CDH13: variants seen among roughly 807,000 people sequenced by gnomAD.
The protein encoded by CDH13 is cadherin 13.
In CDH13, 24 loss-of-function variants were observed where a neutral mutation model predicts 63.8. The ratio of observed to expected loss-of-function variants is 0.38; its 90% confidence interval spans 0.27 to 0.53. CDH13 has a LOEUF of 0.53. Among genes scored for constraint, CDH13 ranks in the 20% least tolerant of loss-of-function variants. The pLI is 0.85. For missense variants in CDH13, 1,049 were observed against 903.1 expected, an observed-to-expected ratio of 1.16 and a Z score of -2.07; for synonymous variants, 503 against 355.3, an observed-to-expected ratio of 1.42 and a Z score of -4.67.
intron 8 of CDH13, among the ~76,000 whole-genome samples, chr16:83,646,331 G>A (rs939715760): frequency 2.6e-5 from 4 of 152,168 alleles, no homozygotes; most frequent in Non-Finnish European, 5.9e-5. Flanking sequence ...GTATGTAATC[G>A]TTAGCTGTGA....
intron 1 of CDH13, among the ~76,000 whole-genome samples, chr16:82,714,672 C>G (rs1187889513): frequency 1.6e-5 from 2 of 127,282 alleles, no homozygotes; most frequent in Non-Finnish European, 3.1e-5. Context: ...CGAGATCAAT[C>G]CACTGCACTC....
intron 3 of CDH13, among the ~76,000 whole-genome samples, chr16:83,090,929 C>G (rs781671782): frequency 6.6e-6 from 1 of 151,030 alleles, no homozygotes. Flanking sequence ...CAGCAAAATA[C>G]TGTGTGGATA....
intron 1 of CDH13, among the ~76,000 whole-genome samples, chr16:82,673,939 G>C (rs947477141): frequency 3.3e-5 from 5 of 152,212 alleles, no homozygotes; most frequent in South Asian, 2.1e-4. Flanking sequence ...TAGTATGTGA[G>C]TTGGTTTAGT....
chr16:83,742,651 G>A (rs1018706492), intron 10 of CDH13, among the ~76,000 whole-genome samples: 6 of 152,182 alleles, frequency 3.9e-5, no homozygotes, highest in Non-Finnish European at 8.8e-5. Context: ...GGACAAAAGC[G>A]CACGGAAGCC....
chr16:82,814,304 C>T (rs79129164), intron 1 of CDH13, among the ~76,000 whole-genome samples: 4,967 of 152,120 alleles, frequency 0.033, 264 homozygotes, highest in African/African-American at 0.11. Context: ...AATGAGTTGA[C>T]TTGTGCTGGG....
intron 6 of CDH13, among the ~76,000 whole-genome samples, chr16:83,375,393 C>T (rs1198909099): frequency 6.6e-6 from 1 of 152,154 alleles, no homozygotes; most frequent in Non-Finnish European, 1.5e-5. Context: ...AGTGACACAG[C>T]TATCAGTGGC....
intron 6 of CDH13, among the ~76,000 whole-genome samples, chr16:83,483,519 C>T (rs1275048175): frequency 6.6e-6 from 1 of 151,446 alleles, no homozygotes; most frequent in Non-Finnish European, 1.5e-5. Flanking sequence ...CAGTTGCAAG[C>T]CATGATGACT....
intron 5 of CDH13, among the ~76,000 whole-genome samples, chr16:83,233,619 A>G (rs957384215): frequency 1.3e-5 from 2 of 152,144 alleles, no homozygotes; most frequent in Non-Finnish European, 2.9e-5. Flanking sequence ...TCTTCAGCTC[A>G]TGACTGCTTC....
chr16:83,584,400 A>C (rs1167346745), intron 7 of CDH13, among the ~76,000 whole-genome samples: 3 of 152,204 alleles, frequency 2.0e-5, no homozygotes, highest in African/African-American at 7.2e-5. Context: ...ACAGAGAACT[A>C]TCTATGGTTT....
At chr16:83,121,967 C>CAG (rs1413657397) in intron 3 of CDH13, among the ~76,000 whole-genome samples, 2 of 139,826 alleles carry the variant, frequency 1.4e-5, no homozygotes, top group African/African-American at 2.6e-5. Flanking sequence ...AACTGTCACA[C>CAG]ACACACACAC....
chr16:82,839,637 A>G (rs577146272), intron 1 of CDH13, among the ~76,000 whole-genome samples: 3 of 152,116 alleles, frequency 2.0e-5, no homozygotes, highest in Non-Finnish European at 4.4e-5. Context: ...GTGACTAAAT[A>G]CAGTGGCCAG....
At chr16:83,625,217 C>T (rs1465720839) in intron 8 of CDH13, among the ~76,000 whole-genome samples, 1 of 150,864 alleles carries the variant, frequency 6.6e-6, no homozygotes, top group East Asian at 1.9e-4. Flanking sequence ...TGTGTGTGCA[C>T]ACGTGTGTCT....
intron 6 of CDH13, among the ~76,000 whole-genome samples, chr16:83,429,834 A>G (rs1289891614): frequency 2.6e-5 from 4 of 152,196 alleles, no homozygotes; most frequent in South Asian, 2.1e-4. Flanking sequence ...TGAGTAGACA[A>G]TCCATTATTG....
intron 5 of CDH13, among the ~76,000 whole-genome samples, chr16:83,282,109 T>C (rs1246634337): frequency 2.0e-5 from 3 of 152,124 alleles, no homozygotes; most frequent in Non-Finnish European, 4.4e-5. Flanking sequence ...GGGGAATGGC[T>C]GCTCATTGCA....
intron 10 of CDH13, among the ~76,000 whole-genome samples, chr16:83,697,537 G>A (rs185904543): frequency 4.6e-5 from 7 of 152,312 alleles, no homozygotes; most frequent in Admixed American, 2.0e-4. Flanking sequence ...AACTGTATAC[G>A]TTAAGGAAGG....
At chr16:83,665,751 T>C (rs1913889469) in intron 8 of CDH13, among the ~76,000 whole-genome samples, 1 of 152,222 alleles carries the variant, frequency 6.6e-6, no homozygotes, top group Admixed American at 6.5e-5. Flanking sequence ...ACTTGTCCTC[T>C]GTCACTTCTT....
At chr16:83,294,960 ACACTACCTGACTT>A (rs1446326642) in intron 5 of CDH13, among the ~76,000 whole-genome samples, 1 of 152,194 alleles carries the variant, frequency 6.6e-6, no homozygotes. Context: ...TGTAGGTATC[ACACTACCTGACTT>A]CAAAGTATAC....
intron 4 of CDH13, among the ~76,000 whole-genome samples, chr16:83,188,300 A>C (rs1204626513): frequency 2.6e-5 from 4 of 152,236 alleles, no homozygotes; most frequent in African/African-American, 9.6e-5. Flanking sequence ...GGCTTGGCCC[A>C]GAGCAATGGT....
intron 3 of CDH13, among the ~76,000 whole-genome samples, chr16:83,061,973 A>G (rs2031594607): frequency 6.6e-6 from 1 of 152,200 alleles, no homozygotes; most frequent in Admixed American, 6.5e-5. Flanking sequence ...AAACTGAGAT[A>G]GTGAGCTGGG....
Sources: allele counts gnomAD v4.1 joint callset (sites outside exome capture counted in the v4.1 genomes callset), GRCh38; gene constraint gnomAD v4.1.1; transcripts MANE v1.5; gene names NCBI Gene and HGNC (gene_info 2026-07-23, HGNC 2026-07-21).